The following TTC22 variants were observed in gnomAD, a reference collection of about 807,000 sequenced individuals.
TTC22 encodes tetratricopeptide repeat domain 22, also known as tetratricopeptide repeat protein 22.
A neutral mutation model predicts 48.2 loss-of-function variants in TTC22; 42 were observed. That is an observed-to-expected ratio of 0.87 (90% CI 0.68 to 1.13). The LOEUF is 1.13. Among genes scored for constraint, TTC22 ranks in the 50% most tolerant of loss-of-function variants. The pLI is 0.00. For synonymous variants in TTC22, 345 were observed against 365.5 expected, an observed-to-expected ratio of 0.94 and a Z score of 0.64; for missense variants, 784 against 807.0, an observed-to-expected ratio of 0.97 and a Z score of 0.34.
In TTC22 at chr1:54,788,055, T is replaced by C; in HGVS notation, c.610A>G (p.Thr204Ala). 1 of 1,614,016 alleles carries C rather than the reference T, an allele frequency of 6.2e-7. No individual in the cohort carries two copies. The highest frequency in any genetic ancestry group is 8.5e-7 in the Non-Finnish European group (1 of 1,179,944). The change falls in exon 2 of 7, where the codon ACA becomes GCA. Residue 204 changes from threonine (T) to alanine (A), a missense_variant. Thr to Ala is a moderately conservative substitution (Grantham distance 58). Coordinates refer to ENST00000371276, the MANE Select transcript of TTC22 (RefSeq NM_001114108.2). ...EKRGWYFTMA[T>A]LYIRLDGIFL... ...CTCTTGCCTGACCTGATGTAGAGTG[T>C]TGCCATGGTGAAATACCAGCCCCTT...
At chr1:54,792,388 T>G (rs936845180) in intron 1 of TTC22, among the ~76,000 whole-genome samples, 2 of 152,020 alleles carry the variant, frequency 1.3e-5, no homozygotes, top group Admixed American at 1.3e-4. Context: ...AAGCTGGTGT[T>G]GGCTGTTCAC....
chr1:54,799,754 G>A (rs898661370), intron 1 of TTC22, among the ~76,000 whole-genome samples: 3 of 152,130 alleles, frequency 2.0e-5, no homozygotes, highest in Non-Finnish European at 4.4e-5. Flanking sequence ...TCTCCCAGCC[G>A]GGGAGAGGGA....
intron 5 of TTC22, chr1:54,784,714 A>G: frequency 8.2e-7 from 1 of 1,226,214 alleles, no homozygotes; most frequent in Non-Finnish European, 1.1e-6. Flanking sequence ...CAAGACTGGG[A>G]GTAGATTTGC....
Position 54,801,230 on chromosome 1 carries a change from C to T in TTC22, c.-67G>A. 1.3e-6 allele frequency: 2 copies of T among 1,509,222 alleles called. No individual in the cohort carries two copies. Among genetic ancestry groups the T allele is most frequent in the South Asian group, 2.4e-5 (2 of 84,046 alleles). The allele number at this position is 1,509,222 out of a possible 1,614,324, so 93.5% of individuals were successfully genotyped here. A position where few individuals can be genotyped will look rare whatever the true frequency, so the allele number is the denominator to read the frequency against. Reference sequence around the variant, plus strand: ...GGCTGTGGAGGGCAGTGGATGGGGGCGTTCCCCGAGCGAGCTCCGTGCGGG... The same window carrying T: ...GGCTGTGGAGGGCAGTGGATGGGGGTGTTCCCCGAGCGAGCTCCGTGCGGG... On this transcript the variant is annotated 5_prime_UTR_variant, in exon 1 of 7. Transcript: ENST00000371276.
chr1:54,799,488 C>A (rs373653777), intron 1 of TTC22, among the ~76,000 whole-genome samples: 30 of 152,340 alleles, frequency 2.0e-4, no homozygotes, highest in African/African-American at 7.2e-4. Context: ...GAAGAAGGCC[C>A]CACTGTGGGT....
Position 54,781,138 on chromosome 1 carries a change from G to A in TTC22, c.*105C>T, listed in dbSNP as rs146668228. On this transcript the variant is annotated 3_prime_UTR_variant, in exon 7 of 7. Transcript: ENST00000371276. ...CCCGACCAAGAATCGAACTGGCTCC[G>A]CTCCCAGGTCAGCCTAAGGCAGGGA... The A allele has an allele frequency of 3.7e-6, 3 of 804,124 alleles. No homozygotes were observed. The highest frequency in any genetic ancestry group is 3.5e-5 in the East Asian group (1 of 28,362). The allele number at this position is 804,124 out of a possible 1,614,324, so 49.8% of individuals were successfully genotyped here. A position where few individuals can be genotyped will look rare whatever the true frequency, so the allele number is the denominator to read the frequency against.
chr1:54,781,210 TC>T lies in TTC22; in HGVS notation c.*32del. 1 of 1,384,096 alleles carries T rather than the reference TC, an allele frequency of 7.2e-7. No individual in the cohort carries two copies. Among genetic ancestry groups the T allele is most frequent in the Non-Finnish European group, 9.3e-7 (1 of 1,073,248 alleles). The allele number at this position is 1,384,096 out of a possible 1,614,324, so 85.7% of individuals were successfully genotyped here. The stretch of plus-strand genomic sequence containing the variant: ...TCAGCTGGGCGGGGCCTGGGCGGGG[TC>T]CCAGGGAGCCTCCGGCCTGGGCACC... On this transcript the variant is annotated 3_prime_UTR_variant, in exon 7 of 7. Coordinates refer to ENST00000371276, the MANE Select transcript of TTC22 (RefSeq NM_001114108.2).
At position 54,787,739 on chromosome 1, in the gene TTC22, C is replaced by A. The variant is rs1244059698; in HGVS notation, c.711G>T (p.Val237=). The A allele has an allele frequency of 6.2e-7, 1 of 1,613,378 alleles. No homozygotes were observed. The part of the protein sequence containing the change: ...FNRTLALLRQ[V]LKSEDPRHRA... ...GGTGGCGGGGGTCCTCGGACTTCAG[C>A]ACTTGCCGGAGTAGGGCCAGCGTGC... Residue 237 remains valine, a synonymous_variant, in exon 3 of 7, where the codon GTG becomes GTT. Coordinates refer to ENST00000371276, the MANE Select transcript of TTC22 (RefSeq NM_001114108.2).
chr1:54,785,460 C>T (rs75262342), intron 5 of TTC22: 2 of 389,656 alleles, frequency 5.1e-6, no homozygotes, highest in African/African-American at 2.1e-5. Flanking sequence ...GGCTCACTGA[C>T]CAGGAATTGT....
At chr1:54,783,903 G>A (rs1420200446) in intron 5 of TTC22, among the ~76,000 whole-genome samples, 1 of 152,218 alleles carries the variant, frequency 6.6e-6, no homozygotes, top group Non-Finnish European at 1.5e-5. Context: ...TTGGGAGGCT[G>A]AGGTGGGAGG....
chr1:54,781,358 G>A lies in TTC22; in HGVS notation c.1595C>T (p.Ala532Val). Residue 532 changes from alanine (A) to valine (V), a missense_variant, in exon 7 of 7, where the codon GCC becomes GTC. Ala to Val is a moderately conservative substitution (Grantham distance 64). Transcript: ENST00000371276. Reference sequence around the variant, plus strand: ...CCGTCCCTGGGCCACCAGGGCCCGGGCCAGCCCCAACACCTCGTCCGTGTG... The same window carrying A: ...CCGTCCCTGGGCCACCAGGGCCCGGACCAGCCCCAACACCTCGTCCGTGTG... ...RGHTDEVLGL[A>V]RALVAQGRPA... The A allele has an allele frequency of 7.1e-7, 1 of 1,401,154 alleles. No individual in the cohort carries two copies. Among genetic ancestry groups the A allele is most frequent in the Non-Finnish European group, 9.2e-7 (1 of 1,090,088 alleles). 86.8% of individuals were successfully genotyped at this position (1,401,154 alleles called of 1,614,324 possible).
At chr1:54,796,612 CT>C (rs1460350257) in intron 1 of TTC22, among the ~76,000 whole-genome samples, 1 of 152,178 alleles carries the variant, frequency 6.6e-6, no homozygotes, top group Non-Finnish European at 1.5e-5. Flanking sequence ...GTGTATGTGA[CT>C]GCATGTGTTT....
chr1:54,783,706 G>A lies in TTC22; in HGVS notation c.1021-1229C>T, dbSNP rs144858968. ...GGAAAGGAAAACATAAAATGTTGGC[G>A]GAGGCTAGGTGTGGTGGCTCACACC... On this transcript the variant is annotated intron_variant, in intron 5 of 6. Transcript: ENST00000371276. Among the ~76,000 whole-genome samples the A allele has an allele frequency of 1.1e-3, 167 of 152,310 alleles. 4 individuals are homozygous for A. The East Asian group carries it at 0.023, about 21-fold the overall frequency.
rs1242974773 is a variant in TTC22, at chr1:54,787,781, T to C, written c.669A>G (p.Arg223=). Residue 223 remains arginine, a synonymous_variant, in exon 3 of 7, where the codon AGA becomes AGG. Transcript: ENST00000371276. ...CCAGCGTGCGGTTGAAGGCAGGCAG[T>C]CTCTTCTGCTCCTCACTGCCCAGCT... The part of the protein sequence containing the change: ...FLELGSEEQK[R]LPAFNRTLAL... The C allele has an allele frequency of 6.2e-7, 1 of 1,613,172 alleles. No homozygotes were observed.
chr1:54,783,347 C>T (rs920387989), intron 5 of TTC22, among the ~76,000 whole-genome samples: 1 of 152,192 alleles, frequency 6.6e-6, no homozygotes, highest in African/African-American at 2.4e-5. Context: ...GGGAGTTCCA[C>T]AACTCTATGA....
At chr1:54,792,146 C>T (rs1646356818) in intron 1 of TTC22, among the ~76,000 whole-genome samples, 1 of 152,244 alleles carries the variant, frequency 6.6e-6, no homozygotes, top group African/African-American at 2.4e-5. Context: ...AACTCTCCTC[C>T]CCTTCAACTT....
At chr1:54,788,441 G>A (rs768677338) in intron 1 of TTC22, among the ~76,000 whole-genome samples, 7 of 134,638 alleles carry the variant, frequency 5.2e-5, no homozygotes, top group East Asian at 2.5e-4. Context: ...CCGGCCTCCC[G>A]TTTGGTGCCA....
At chr1:54,784,859 T>G (rs1342272650) in intron 5 of TTC22, 18 of 1,271,632 alleles carry the variant, frequency 1.4e-5, no homozygotes, top group Non-Finnish European at 1.8e-5. Context: ...GAGGCAGGTC[T>G]GGGACCAGTG....
At chr1:54,784,590 A>G (rs1646286178) in intron 5 of TTC22, 2 of 1,030,972 alleles carry the variant, frequency 1.9e-6, no homozygotes, top group Non-Finnish European at 2.4e-6. Flanking sequence ...ATATTTTATT[A>G]TTTACTATTA....
Sources: allele counts gnomAD v4.1 joint callset (sites outside exome capture counted in the v4.1 genomes callset), GRCh38; gene constraint gnomAD v4.1.1; transcripts MANE v1.5; gene names NCBI Gene and HGNC (gene_info 2026-07-23, HGNC 2026-07-21).